Variants in IQCK observed in about 807,000 individuals in gnomAD.
The protein encoded by IQCK is IQ domain-containing protein K.
IQCK carries 29 observed loss-of-function variants against 28.1 expected under a neutral mutation model. The observed-to-expected ratio is 1.03, with a 90% CI of 0.77 to 1.41. The LOEUF is 1.41. IQCK is among the 40% of genes most tolerant of loss of function. IQCK has a pLI of 0.00. For missense variants in IQCK, 359 were observed against 314.7 expected, an observed-to-expected ratio of 1.14 and a Z score of -1.07; for synonymous variants, 113 against 115.1, an observed-to-expected ratio of 0.98 and a Z score of 0.12.
chr16:19,761,033 G>A (rs914916794), intron 4 of IQCK: 5 of 180,130 alleles, frequency 2.8e-5, no homozygotes, highest in East Asian at 1.5e-4. Context: ...TGGTTTTGGT[G>A]CGCTTTGACT....
At chr16:19,722,892 T>A (rs1977540038) in intron 1 of IQCK, among the ~76,000 whole-genome samples, 1 of 152,038 alleles carries the variant, frequency 6.6e-6, no homozygotes, top group Admixed American at 6.6e-5. Context: ...AATTTTTGTA[T>A]TTTTAGGTGG....
chr16:19,777,914 G>A (rs537037385), intron 6 of IQCK, among the ~76,000 whole-genome samples: 5 of 152,296 alleles, frequency 3.3e-5, no homozygotes, highest in African/African-American at 4.8e-5. Context: ...TTAGCTGGGC[G>A]TGGTGGTGCA....
At chr16:19,848,731 A>T (rs190703106) in intron 9 of IQCK, among the ~76,000 whole-genome samples, 1,573 of 152,288 alleles carry the variant, frequency 0.01, 20 homozygotes, top group Middle Eastern at 0.027. Context: ...AAATGAGGAA[A>T]TTGAGGCTGG....
intron 9 of IQCK, among the ~76,000 whole-genome samples, chr16:19,835,552 C>A (rs2141103680): frequency 6.6e-6 from 1 of 151,422 alleles, no homozygotes; most frequent in South Asian, 2.1e-4. Context: ...TATATTCTAG[C>A]TTGCTTGTAG....
Position 19,783,504 on chromosome 16 carries a change from G to A in IQCK, c.606-5334G>A, listed in dbSNP as rs1218209163. 3.3e-5 allele frequency among the ~76,000 whole-genome samples: 5 copies of A among 152,042 alleles called. No homozygotes were observed. The East Asian group carries it at 5.8e-4, about 18-fold the overall frequency. ...TCAGCTGTCTCCTTCTGTGATTGAC[G>A]TGTTCATCTCTCCCCTCCCTAGTTC... is the stretch of plus-strand genomic sequence containing the variant. On this transcript the variant is annotated intron_variant, in intron 6 of 7. Transcript: ENST00000564186.
intron 6 of IQCK, among the ~76,000 whole-genome samples, chr16:19,765,066 C>T (rs2055210681): frequency 1.4e-5 from 2 of 142,848 alleles, no homozygotes; most frequent in African/African-American, 5.1e-5. Context: ...ACTAAAAATA[C>T]AAAAAATTAG....
At chr16:19,835,040 G>A (rs565471876) in intron 9 of IQCK, among the ~76,000 whole-genome samples, 18 of 152,226 alleles carry the variant, frequency 1.2e-4, no homozygotes, top group African/African-American at 2.6e-4. Context: ...CGAGGCAGGC[G>A]GATCACTTGA....
rs148272524 is a variant in IQCK at position 19,737,938 on chromosome 16, G to A, written c.474+2488G>A. On this transcript the variant is annotated intron_variant, in intron 4 of 7. Transcript: ENST00000564186. ...CCATAACTTCTCTCTGAAGCTTCCA[G>A]TTCCCTGCTGGGCTCAAACTAGAAG... Among the ~76,000 whole-genome samples, 20 of 152,216 alleles carry A rather than the reference G, an allele frequency of 1.3e-4. No individual in the cohort carries two copies. The East Asian group carries it at 3.3e-3, about 25-fold the overall frequency.
intron 4 of IQCK, among the ~76,000 whole-genome samples, chr16:19,739,392 G>A (rs1170954023): frequency 6.6e-6 from 1 of 152,190 alleles, no homozygotes; most frequent in Non-Finnish European, 1.5e-5. Flanking sequence ...CTCTGCTGAT[G>A]AGAACTGTAA....
At chr16:19,727,206 T>C (rs1977683797) in intron 1 of IQCK, among the ~76,000 whole-genome samples, 1 of 151,620 alleles carries the variant, frequency 6.6e-6, no homozygotes, top group Non-Finnish European at 1.5e-5. Context: ...CAAAAACTAA[T>C]ATGAGTTATG....
At chr16:19,751,964 G>A (rs771379982) in intron 4 of IQCK, among the ~76,000 whole-genome samples, 3 of 152,140 alleles carry the variant, frequency 2.0e-5, no homozygotes, top group African/African-American at 7.2e-5. Flanking sequence ...AGGTTGTAAG[G>A]CAGGAAATCA....
intron 1 of IQCK, among the ~76,000 whole-genome samples, chr16:19,728,927 C>T (rs764744342): frequency 6.6e-6 from 1 of 152,238 alleles, no homozygotes; most frequent in Non-Finnish European, 1.5e-5. Context: ...GTCCATACGA[C>T]TGTATGCCCT....
rs1057489850 is a variant in IQCK at position 19,825,736 on chromosome 16, G to A, written c.691-1290G>A. Among the ~76,000 whole-genome samples, 1 of 152,134 alleles carries A rather than the reference G, an allele frequency of 6.6e-6. No individual in the cohort carries two copies. The highest frequency in any genetic ancestry group is 2.4e-5 in the African/African-American group (1 of 41,428). On this transcript the variant is annotated intron_variant, in intron 7 of 7. Transcript: ENST00000564186. This position sits in a 1 kb window ranked among gnomAD's most constrained non-coding sequence, Gnocchi z 4.2. ...GGAGATAAATGCTCAATAAATATGA[G>A]CTATAATAAAAATAAAAATAATTAT...
In IQCK at chr16:19,825,745, A is replaced by C. The variant is rs144347681; in HGVS notation, c.691-1281A>C. On this transcript the variant is annotated intron_variant, in intron 7 of 7. Transcript: ENST00000564186. The surrounding 1 kb of genome is among the most constrained non-coding windows in gnomAD (Gnocchi z 4.2). ...TGCTCAATAAATATGAGCTATAATA[A>C]AAATAAAAATAATTATTGTTGAAAT... Among the ~76,000 whole-genome samples, 30 of 152,356 alleles carry C rather than the reference A, an allele frequency of 2.0e-4. No homozygotes were observed. The East Asian group carries it at 3.7e-3, about 19-fold the overall frequency.
chr16:19,719,483 T>C lies in IQCK; in HGVS notation c.181+996T>C, dbSNP rs564777631. The stretch of plus-strand genomic sequence containing the variant: ...GTGTGCGCCTATAATCTCAGCTACT[T>C]GGGAGGCTGAGGAAAGGGAATTGCT... On this transcript the variant is annotated intron_variant, in intron 1 of 7. Transcript: ENST00000564186. 2.0e-5 allele frequency among the ~76,000 whole-genome samples: 3 copies of C among 151,030 alleles called. No homozygotes were observed. In the East Asian group the frequency reaches 6.0e-4, roughly 30 times the overall value.
At chr16:19,781,001 G>A (rs376101402) in intron 6 of IQCK, among the ~76,000 whole-genome samples, 1 of 152,092 alleles carries the variant, frequency 6.6e-6, no homozygotes, top group Admixed American at 6.6e-5. Flanking sequence ...AAAGGGATCC[G>A]TGACACAAAA....
chr16:19,834,028 CA>C (rs2056264894), intron 9 of IQCK, among the ~76,000 whole-genome samples: 2 of 152,166 alleles, frequency 1.3e-5, no homozygotes, highest in African/African-American at 4.8e-5. Flanking sequence ...CCCGAGGCTG[CA>C]CTGAGCGGTG....
intron 4 of IQCK, among the ~76,000 whole-genome samples, chr16:19,736,870 G>A (rs1340778819): frequency 6.6e-6 from 1 of 151,892 alleles, no homozygotes; most frequent in Non-Finnish European, 1.5e-5. Context: ...ACTAAAGGCC[G>A]GGCACAGTGG....
chr16:19,858,044 T>TC (rs1457511485), exon 10 of IQCK: 1 of 154,722 alleles, frequency 6.5e-6, no homozygotes, highest in Admixed American at 6.5e-5. Flanking sequence ...CGGGTCGTTT[T>TC]CCCCAAACGA....
Sources: gnomAD v4.1 joint callset for allele counts (sites outside exome capture counted in the v4.1 genomes callset) on GRCh38, gnomAD v4.1.1 for gene constraint, Gnocchi (gnomAD v3.1) non-coding constraint, MANE v1.5 for transcripts, NCBI Gene and HGNC (gene_info 2026-07-23, HGNC 2026-07-21) for gene names.